The following GRM8 variants were observed in gnomAD, a reference collection of about 807,000 sequenced individuals.
The protein encoded by GRM8 is glutamate metabotropic receptor 8, also known as metabotropic glutamate receptor 8.
Under a neutral mutation model 87.2 loss-of-function variants are expected in GRM8, and 47 were observed. The ratio of observed to expected loss-of-function variants is 0.54; its 90% CI spans 0.43 to 0.69. The LOEUF is 0.69. Among genes scored for constraint, GRM8 ranks in the 30% least tolerant of loss-of-function variants. GRM8 has a pLI of 0.00. For missense variants in GRM8, 1,019 were observed against 1,139.2 expected, an observed-to-expected ratio of 0.89 and a Z score of 1.52; for synonymous variants, 396 against 404.5, an observed-to-expected ratio of 0.98 and a Z score of 0.25.
intron 8 of GRM8, among the ~76,000 whole-genome samples, chr7:126,586,195 T>G (rs1352265343): frequency 6.6e-6 from 1 of 152,046 alleles, no homozygotes; most frequent in Non-Finnish European, 1.5e-5. Context: ...TACAAACAAA[T>G]GGAAGAACAT....
chr7:127,038,737 C>A lies in GRM8; in HGVS notation c.727+67759G>T, dbSNP rs755036987. On this transcript the variant is annotated intron_variant, in intron 3 of 10. Coordinates refer to ENST00000339582, the MANE Select transcript of GRM8 (RefSeq NM_000845.3). ...AAAATCTCCACCAGTGAATGACATA[C>A]AAAACTTTATATTATCTGCTAAAAT... Among the ~76,000 whole-genome samples, 31 of 152,256 alleles carry A rather than the reference C, an allele frequency of 2.0e-4. No individual in the cohort carries two copies. The Middle Eastern group carries it at 0.01, about 50-fold the overall frequency.
At chr7:126,495,718 A>C (rs150770859) in intron 9 of GRM8, among the ~76,000 whole-genome samples, 39 of 152,000 alleles carry the variant, frequency 2.6e-4, no homozygotes, top group African/African-American at 9.2e-4. Flanking sequence ...TATACTGAGA[A>C]CGAATGTGTA....
intron 9 of GRM8, among the ~76,000 whole-genome samples, chr7:126,501,549 G>A (rs1809645383): frequency 6.6e-6 from 1 of 151,978 alleles, no homozygotes. Flanking sequence ...AAAGGGAGAA[G>A]GCTGACAGGT....
chr7:127,185,809 A>C (rs1563565589), intron 2 of GRM8, among the ~76,000 whole-genome samples: 1 of 152,170 alleles, frequency 6.6e-6, no homozygotes, highest in South Asian at 2.1e-4. Context: ...CTATGTATAC[A>C]ATTTGGTGTG....
intron 8 of GRM8, among the ~76,000 whole-genome samples, chr7:126,538,854 C>T (rs1331795648): frequency 6.6e-6 from 1 of 151,998 alleles, no homozygotes. Context: ...ATGATTCACA[C>T]ATGAATGAGT....
chr7:127,062,486 G>A (rs1820705187), intron 3 of GRM8, among the ~76,000 whole-genome samples: 1 of 152,224 alleles, frequency 6.6e-6, no homozygotes, highest in African/African-American at 2.4e-5. Context: ...TTCAGCTGGT[G>A]TCAGGGGACA....
At chr7:126,742,297 A>G (rs1815097718) in intron 7 of GRM8, among the ~76,000 whole-genome samples, 1 of 152,116 alleles carries the variant, frequency 6.6e-6, no homozygotes, top group Non-Finnish European at 1.5e-5. Context: ...TTAACTTTAT[A>G]TAGGTAGAAA....
At chr7:126,700,915 A>C (rs1358375249) in intron 7 of GRM8, among the ~76,000 whole-genome samples, 1 of 152,214 alleles carries the variant, frequency 6.6e-6, no homozygotes, top group African/African-American at 2.4e-5. Context: ...CCTGATAAAG[A>C]ACAGTAAATT....
At chr7:126,494,307 C>T (rs556660027) in intron 9 of GRM8, among the ~76,000 whole-genome samples, 19 of 146,022 alleles carry the variant, frequency 1.3e-4, no homozygotes, top group African/African-American at 4.1e-4. Context: ...TAGATGCACA[C>T]ACTACTTACT....
At chr7:127,175,872 A>G (rs1443528898) in intron 2 of GRM8, among the ~76,000 whole-genome samples, 1 of 152,214 alleles carries the variant, frequency 6.6e-6, no homozygotes, top group African/African-American at 2.4e-5. Context: ...AGGGGAATGA[A>G]AATGATATAG....
chr7:126,452,532 A>C (rs1802739087), intron 9 of GRM8, among the ~76,000 whole-genome samples: 1 of 151,658 alleles, frequency 6.6e-6, no homozygotes, highest in Non-Finnish European at 1.5e-5. Flanking sequence ...GTTTTAAGGA[A>C]TATAACTCAT....
chr7:127,222,566 C>T (rs1443324463), intron 2 of GRM8, among the ~76,000 whole-genome samples: 1 of 152,162 alleles, frequency 6.6e-6, no homozygotes, highest in East Asian at 1.9e-4. Flanking sequence ...TTAACTATGA[C>T]TTGTTTACAT....
chr7:127,112,577 T>C (rs1420838009), intron 2 of GRM8, among the ~76,000 whole-genome samples: 2 of 152,346 alleles, frequency 1.3e-5, no homozygotes, highest in East Asian at 1.9e-4. Flanking sequence ...AACTTTGAAA[T>C]ATTTTTCTAT....
At chr7:127,013,299 A>G (rs1158389381) in intron 3 of GRM8, among the ~76,000 whole-genome samples, 2 of 152,122 alleles carry the variant, frequency 1.3e-5, no homozygotes, top group Non-Finnish European at 2.9e-5. Flanking sequence ...TGGGTTTTCT[A>G]CAGTGAACAT....
At chr7:127,130,901 C>T (rs1271940402) in intron 2 of GRM8, among the ~76,000 whole-genome samples, 3 of 152,288 alleles carry the variant, frequency 2.0e-5, no homozygotes, top group African/African-American at 7.2e-5. Context: ...TTGTAAGTTT[C>T]CTGAGGCCTT....
chr7:127,048,557 G>A (rs888192382), intron 3 of GRM8, among the ~76,000 whole-genome samples: 18 of 152,164 alleles, frequency 1.2e-4, no homozygotes, highest in African/African-American at 3.6e-4. Flanking sequence ...AAGAATTCAC[G>A]TCATTTAATC....
chr7:127,068,390 T>C (rs1189165544), intron 3 of GRM8, among the ~76,000 whole-genome samples: 1 of 152,152 alleles, frequency 6.6e-6, no homozygotes, highest in African/African-American at 2.4e-5. Flanking sequence ...AGGCACATTA[T>C]CAGAATGGGG....
intron 3 of GRM8, among the ~76,000 whole-genome samples, chr7:127,081,541 C>A (rs1295443863): frequency 2.0e-5 from 3 of 151,934 alleles, no homozygotes; most frequent in African/African-American, 7.3e-5. Context: ...TGTCTCTCTC[C>A]CACTAACCTG....
intron 7 of GRM8, among the ~76,000 whole-genome samples, chr7:126,705,933 G>A (rs1425183795): frequency 6.6e-6 from 1 of 151,894 alleles, no homozygotes; most frequent in East Asian, 1.9e-4. Context: ...TGTCTGGTTT[G>A]TTAAAGCCTA....
Sources: gnomAD v4.1 joint callset for allele counts (sites outside exome capture counted in the v4.1 genomes callset) on GRCh38, gnomAD v4.1.1 for gene constraint, MANE v1.5 for transcripts, NCBI Gene and HGNC (gene_info 2026-07-23, HGNC 2026-07-21) for gene names.